The following IFT43 variants were observed in gnomAD, a reference collection of about 807,000 sequenced individuals.
IFT43 encodes the protein intraflagellar transport 43, also known as intraflagellar transport protein 43 homolog.
IFT43 carries 33 observed loss-of-function variants against 32.3 expected under a neutral mutation model. That is an observed-to-expected ratio of 1.02 (90% confidence interval 0.77 to 1.37). The LOEUF (loss-of-function observed/expected upper bound fraction) is 1.37. IFT43 is among the 40% of genes most tolerant of loss of function. The probability of loss-of-function intolerance (pLI) is 0.00; values close to 1 mark genes in which losing one functional copy is unlikely to be tolerated. For synonymous variants in IFT43, 93 were observed against 98.2 expected (o/e 0.95, Z 0.31); for missense variants, 274 against 265.9 (o/e 1.03, Z -0.21).
At chr14:76,010,244 C>A (rs1280473263) in intron 2 of IFT43, among the ~76,000 whole-genome samples, 6 of 152,188 alleles carry the variant, frequency 3.9e-5, no homozygotes, top group Admixed American at 6.5e-5. Context: ...GATCTTGAGA[C>A]CCCGTGTTTT....
chr14:76,069,219 G>C (rs1664480621), intron 5 of IFT43, among the ~76,000 whole-genome samples: 1 of 152,164 alleles, frequency 6.6e-6, no homozygotes, highest in Non-Finnish European at 1.5e-5. Flanking sequence ...AGGGAGGGGA[G>C]ACGCCACACA....
At chr14:76,079,679 T>A (rs372674103) in intron 5 of IFT43, among the ~76,000 whole-genome samples, 93 of 152,334 alleles carry the variant, frequency 6.1e-4, no homozygotes, top group African/African-American at 1.9e-3. Flanking sequence ...TTGGATTTTT[T>A]AAAATGGTGG....
rs1484152650 is a variant in IFT43 at position 76,082,650 on chromosome 14, C to T, written c.402C>T (p.Asp134=). 1 of 1,613,950 alleles carries T rather than the reference C, an allele frequency of 6.2e-7. No homozygotes were observed. The highest frequency in any genetic ancestry group is 8.5e-7 in the Non-Finnish European group (1 of 1,179,950). ...TAAAGCGGGTGATGACCTACCGTGA[C>T]CTGGACAATGACCTCATGAAGTACT... ...IQIKRVMTYR[D]LDNDLMKYSA... The change falls in exon 7 of 9, where the codon GAC becomes GAT. Residue 134 remains aspartate, a synonymous_variant. Transcript: ENST00000314067.
chr14:76,047,337 G>T (rs1018910181), intron 3 of IFT43, among the ~76,000 whole-genome samples: 2 of 152,156 alleles, frequency 1.3e-5, no homozygotes, highest in African/African-American at 2.4e-5. Flanking sequence ...TCTCTGATGT[G>T]GGGAATAGGA....
At chr14:76,018,258 A>AT (rs2036226373) in intron 2 of IFT43, among the ~76,000 whole-genome samples, 2 of 150,238 alleles carry the variant, frequency 1.3e-5, no homozygotes, top group South Asian at 4.2e-4. Context: ...TTCTGTTTTC[A>AT]TTTGTTTCAA....
At position 75,990,770 on chromosome 14, in the gene IFT43, A is replaced by G. The variant is rs61979181; in HGVS notation, c.147+1793A>G. ...GAACTGCAGTGGTGTATGTATTTAA[A>G]GAGAAAACGCGGAAGCAAATGACTG... On this transcript the variant is annotated intron_variant, in intron 2 of 8. Transcript: ENST00000314067. 4.6e-3 allele frequency among the ~76,000 whole-genome samples: 705 copies of G among 152,340 alleles called. 8 individuals carry two copies. Among genetic ancestry groups the G allele is most frequent in the Non-Finnish European group, 7.6e-3 (516 of 68,032 alleles).
chr14:76,063,240 C>A (rs1048028650), intron 5 of IFT43, among the ~76,000 whole-genome samples: 2 of 152,152 alleles, frequency 1.3e-5, no homozygotes, highest in Non-Finnish European at 2.9e-5. Flanking sequence ...CCACCCTGAA[C>A]GCGCCAGATC....
intron 5 of IFT43, among the ~76,000 whole-genome samples, chr14:76,081,165 T>G (rs1393284328): frequency 1.3e-5 from 2 of 152,252 alleles, no homozygotes; most frequent in Non-Finnish European, 2.9e-5. Flanking sequence ...ACTAGAGTGA[T>G]CAAAAGTCGA....
chr14:76,053,638 C>T (rs912793288), intron 3 of IFT43, among the ~76,000 whole-genome samples: 2 of 152,104 alleles, frequency 1.3e-5, no homozygotes, highest in African/African-American at 2.4e-5. Context: ...CTCCACGAGG[C>T]GGAGGTGAGA....
intron 2 of IFT43, among the ~76,000 whole-genome samples, chr14:76,001,048 A>G (rs2035875413): frequency 6.6e-6 from 1 of 152,200 alleles, no homozygotes; most frequent in South Asian, 2.1e-4. Context: ...AACCTATAGC[A>G]TGAACTCCCG....
At chr14:76,006,665 T>C (rs2035985640) in intron 2 of IFT43, among the ~76,000 whole-genome samples, 1 of 152,154 alleles carries the variant, frequency 6.6e-6, no homozygotes, top group African/African-American at 2.4e-5. Flanking sequence ...CATTCTTTAA[T>C]GAAATGATTT....
chr14:76,023,746 C>T (rs963730621), intron 3 of IFT43, among the ~76,000 whole-genome samples: 7 of 152,042 alleles, frequency 4.6e-5, no homozygotes, highest in African/African-American at 1.7e-4. Flanking sequence ...TATGAAGGGT[C>T]GGTTTGGGAG....
chr14:76,003,016 C>A (rs1485819309), intron 2 of IFT43, among the ~76,000 whole-genome samples: 2 of 152,252 alleles, frequency 1.3e-5, no homozygotes, highest in East Asian at 3.9e-4. Flanking sequence ...GGCTAGATTT[C>A]TTCTTATTAT....
At chr14:75,986,464 C>T (rs1368241733) in intron 1 of IFT43, among the ~76,000 whole-genome samples, 1 of 148,766 alleles carries the variant, frequency 6.7e-6, no homozygotes, top group Non-Finnish European at 1.5e-5. Context: ...AAAAAAAAAC[C>T]TAAAAAACGA....
At chr14:75,999,964 T>C (rs2035851301) in intron 2 of IFT43, among the ~76,000 whole-genome samples, 1 of 152,208 alleles carries the variant, frequency 6.6e-6, no homozygotes, top group Non-Finnish European at 1.5e-5. Flanking sequence ...CACTGGAGGA[T>C]AGAGTGGGAG....
At chr14:76,015,131 T>C (rs956044957) in intron 2 of IFT43, among the ~76,000 whole-genome samples, 1 of 152,058 alleles carries the variant, frequency 6.6e-6, no homozygotes, top group Non-Finnish European at 1.5e-5. Context: ...GAAGAGCATA[T>C]AACTTGGTAA....
intron 5 of IFT43, among the ~76,000 whole-genome samples, chr14:76,065,827 C>T (rs925127734): frequency 6.6e-6 from 1 of 151,736 alleles, no homozygotes; most frequent in African/African-American, 2.4e-5. Flanking sequence ...TCTATGTTGC[C>T]CAGGCTGGCC....
At chr14:76,072,447 A>G (rs879652649) in intron 5 of IFT43, among the ~76,000 whole-genome samples, 8 of 152,192 alleles carry the variant, frequency 5.3e-5, no homozygotes, top group Non-Finnish European at 7.3e-5. Flanking sequence ...AGACTTTCCA[A>G]ACATACCATC....
intron 3 of IFT43, among the ~76,000 whole-genome samples, chr14:76,037,292 G>A (rs2036618088): frequency 6.6e-6 from 1 of 152,200 alleles, no homozygotes; most frequent in Non-Finnish European, 1.5e-5. Flanking sequence ...GAAGGCACAG[G>A]TGTCCGGTCA....
Sources: gnomAD v4.1 joint callset for allele counts (sites outside exome capture counted in the v4.1 genomes callset) on GRCh38, gnomAD v4.1.1 for gene constraint, MANE v1.5 for transcripts, NCBI Gene and HGNC (gene_info 2026-07-23, HGNC 2026-07-21) for gene names.